The following TMEM117 variants were observed in gnomAD, a reference collection of about 807,000 sequenced individuals.
TMEM117 encodes transmembrane protein 117.
Under a neutral mutation model 52.4 loss-of-function variants are expected in TMEM117, and 27 were observed. That is an observed-to-expected ratio of 0.51 (90% CI 0.38 to 0.71). The LOEUF (loss-of-function observed/expected upper bound fraction) is 0.71, where lower values mean the gene tolerates loss of function less well. TMEM117 is among the 30% of genes least tolerant of loss of function. The pLI, the probability that TMEM117 is intolerant of heterozygous loss-of-function variation, is 0.00. For synonymous variants in TMEM117, 215 were observed against 206.3 expected, an observed-to-expected ratio of 1.04 and a Z score of -0.36; for missense variants, 556 against 630.5, an observed-to-expected ratio of 0.88 and a Z score of 1.26.
At chr12:44,135,516 G>A (rs1209973330) in intron 3 of TMEM117, among the ~76,000 whole-genome samples, 2 of 152,098 alleles carry the variant, frequency 1.3e-5, no homozygotes, top group African/African-American at 2.4e-5. Context: ...CCATATCACT[G>A]GAGCCTAAAA....
chr12:43,850,858 AGGT>A (rs1026110162), intron 2 of TMEM117, among the ~76,000 whole-genome samples: 17 of 128,814 alleles, frequency 1.3e-4, no homozygotes, highest in African/African-American at 6.8e-4. Context: ...AACTTCTGAT[AGGT>A]GATGATGATG....
intron 5 of TMEM117, among the ~76,000 whole-genome samples, chr12:44,220,784 C>T (rs1949778593): frequency 6.6e-6 from 1 of 152,022 alleles, no homozygotes; most frequent in Non-Finnish European, 1.5e-5. Context: ...CAAGAGTCAA[C>T]CCAAAAGAAG....
intron 5 of TMEM117, among the ~76,000 whole-genome samples, chr12:44,252,083 T>C (rs1950202821): frequency 6.6e-6 from 1 of 152,032 alleles, no homozygotes; most frequent in South Asian, 2.1e-4. Flanking sequence ...CTTCAATTTA[T>C]CTACAGTCTT....
intron 3 of TMEM117, among the ~76,000 whole-genome samples, chr12:43,950,463 G>C (rs1945201498): frequency 6.6e-6 from 1 of 151,932 alleles, no homozygotes; most frequent in Non-Finnish European, 1.5e-5. Flanking sequence ...GGGGTTGGGG[G>C]CAATGACTGA....
intron 3 of TMEM117, among the ~76,000 whole-genome samples, chr12:43,984,218 A>G (rs764377856): frequency 2.0e-5 from 3 of 152,118 alleles, no homozygotes; most frequent in Non-Finnish European, 4.4e-5. Flanking sequence ...AAGTACAAAA[A>G]TTAGTCAGGT....
intron 3 of TMEM117, among the ~76,000 whole-genome samples, chr12:44,047,711 G>A (rs555060939): frequency 2.6e-5 from 4 of 152,148 alleles, no homozygotes; most frequent in Admixed American, 6.5e-5. Flanking sequence ...AAAATGGTAG[G>A]CCCTTAGAGA....
intron 2 of TMEM117, among the ~76,000 whole-genome samples, chr12:43,882,239 C>T (rs1428172938): frequency 6.6e-6 from 1 of 152,070 alleles, no homozygotes; most frequent in Non-Finnish European, 1.5e-5. Context: ...GCGGGCGGAT[C>T]ACCTGAGGTC....
intron 3 of TMEM117, among the ~76,000 whole-genome samples, chr12:44,021,021 A>G (rs889971334): frequency 1.3e-5 from 2 of 152,162 alleles, no homozygotes; most frequent in Non-Finnish European, 2.9e-5. Flanking sequence ...AAGAGGAGGA[A>G]AACTCATGGA....
chr12:44,396,749 G>A, the TMEM117 span, among the ~76,000 whole-genome samples: 1 of 151,652 alleles, frequency 6.6e-6, no homozygotes, highest in African/African-American at 2.4e-5. Flanking sequence ...AGATACTCAG[G>A]AGGCTGAGGG....
intron 3 of TMEM117, among the ~76,000 whole-genome samples, chr12:44,077,380 T>C (rs1040122956): frequency 7.9e-5 from 12 of 152,214 alleles, no homozygotes; most frequent in African/African-American, 2.9e-4. Flanking sequence ...ATAGCCTGTG[T>C]GAGAATATTT....
intron 5 of TMEM117, among the ~76,000 whole-genome samples, chr12:44,227,085 A>C (rs918905733): frequency 6.6e-6 from 1 of 152,136 alleles, no homozygotes; most frequent in African/African-American, 2.4e-5. Context: ...GGCTCAAGAC[A>C]TGGCTTAGGA....
intron 3 of TMEM117, among the ~76,000 whole-genome samples, chr12:44,097,379 G>C (rs1189743071): frequency 6.6e-6 from 1 of 151,098 alleles, no homozygotes; most frequent in Non-Finnish European, 1.5e-5. Context: ...ATACCCAAAG[G>C]ACTATAAATC....
chr12:44,366,444 A>G (rs375011689), intron 6 of TMEM117, among the ~76,000 whole-genome samples: 59 of 152,158 alleles, frequency 3.9e-4, no homozygotes, highest in African/African-American at 1.3e-3. Context: ...AAATTTTTCA[A>G]TTCACTGAGG....
intron 3 of TMEM117, among the ~76,000 whole-genome samples, chr12:44,012,130 G>T (rs142011513): frequency 6.6e-6 from 1 of 152,272 alleles, no homozygotes; most frequent in East Asian, 1.9e-4. Context: ...TTTTTATTGC[G>T]TGGTTTCTGA....
At chr12:44,011,442 A>G (rs879685532) in intron 3 of TMEM117, among the ~76,000 whole-genome samples, 3 of 152,116 alleles carry the variant, frequency 2.0e-5, no homozygotes, top group Non-Finnish European at 4.4e-5. Flanking sequence ...ATGAGATCTG[A>G]TGGTTTGATA....
intron 6 of TMEM117, among the ~76,000 whole-genome samples, chr12:44,317,301 T>TA (rs61339419): frequency 0.23 from 31,616 of 136,164 alleles, 5,505 homozygotes; most frequent in African/African-American, 0.51. Flanking sequence ...TATATATATG[T>TA]TTTTTTTTTT....
chr12:44,211,108 G>A (rs1398782451), intron 4 of TMEM117, among the ~76,000 whole-genome samples, 182 bp from the exon 5 acceptor site: 1 of 152,140 alleles, frequency 6.6e-6, no homozygotes, highest in Non-Finnish European at 1.5e-5. Context: ...TGTATGTACA[G>A]TCGAAGAAAC....
the TMEM117 span, among the ~76,000 whole-genome samples, chr12:43,808,963 A>G: frequency 1.3e-5 from 2 of 150,060 alleles, no homozygotes; most frequent in African/African-American, 5.0e-5. Context: ...CTCTATTTCA[A>G]TTATGTAGGA....
intron 6 of TMEM117, among the ~76,000 whole-genome samples, chr12:44,361,815 G>T (rs182087578): frequency 6.6e-6 from 1 of 152,138 alleles, no homozygotes. Flanking sequence ...CATTGTGATA[G>T]GGGAGTGATA....
Sources: allele counts gnomAD v4.1 joint callset (sites outside exome capture counted in the v4.1 genomes callset), GRCh38; gene constraint gnomAD v4.1.1; transcripts MANE v1.5; gene names NCBI Gene and HGNC (gene_info 2026-07-23, HGNC 2026-07-21).